The following LRRC8D variants were observed in gnomAD, a reference collection of about 807,000 sequenced individuals.
The protein encoded by LRRC8D is leucine rich repeat containing 8 VRAC subunit D.
Under a neutral mutation model 55.8 loss-of-function variants are expected in LRRC8D, and 20 were observed. The ratio of observed to expected loss-of-function variants is 0.36; its 90% confidence interval spans 0.25 to 0.52. LRRC8D has a LOEUF of 0.52. LRRC8D is among the 20% of genes least tolerant of loss of function. The pLI is 0.93. For missense variants in LRRC8D, 651 were observed against 1,030.8 expected (o/e 0.63, Z 5.05); for synonymous variants, 352 against 377.0 (o/e 0.93, Z 0.77).
At chr1:89,857,417 G>A (rs1242913514) in intron 2 of LRRC8D, among the ~76,000 whole-genome samples, 1 of 149,162 alleles carries the variant, frequency 6.7e-6, no homozygotes, top group Non-Finnish European at 1.5e-5. Flanking sequence ...AATTATCTCT[G>A]AGTGGAGATT....
intron 2 of LRRC8D, among the ~76,000 whole-genome samples, chr1:89,889,769 G>T (rs1662515386): frequency 6.6e-6 from 1 of 152,080 alleles, no homozygotes; most frequent in South Asian, 2.1e-4. Context: ...TGTGGTCCCA[G>T]CTACTTGGGA....
chr1:89,912,479 C>T (rs959834848), intron 2 of LRRC8D, among the ~76,000 whole-genome samples: 5 of 148,570 alleles, frequency 3.4e-5, no homozygotes, highest in African/African-American at 1.2e-4. Context: ...AGATTAGACC[C>T]ATCTCTGTCC....
intron 2 of LRRC8D, among the ~76,000 whole-genome samples, chr1:89,849,894 C>G (rs184296697): frequency 6.6e-6 from 1 of 152,212 alleles, no homozygotes; most frequent in Admixed American, 6.5e-5. Context: ...TTTTAATGTA[C>G]TTGTCTCATC....
At chr1:89,867,885 A>G (rs1455668922) in intron 2 of LRRC8D, among the ~76,000 whole-genome samples, 1 of 152,238 alleles carries the variant, frequency 6.6e-6, no homozygotes, top group Non-Finnish European at 1.5e-5. Context: ...AGAATTCTTC[A>G]AGGATACTAA....
chr1:89,890,937 A>C (rs1286104603), intron 2 of LRRC8D, among the ~76,000 whole-genome samples: 2 of 151,894 alleles, frequency 1.3e-5, no homozygotes, highest in East Asian at 3.9e-4. Context: ...TCTGGAGTGC[A>C]GTGGGGCGAT....
Position 89,936,500 on chromosome 1 carries a change from A to G in LRRC8D, c.*855A>G, listed in dbSNP as rs1315353375. ...ACCATTTGGAAGATAACACAGAATCACAAGTATCATTTAATTTCTTGCCCT... is the reference window on the plus strand; with the variant it reads ...ACCATTTGGAAGATAACACAGAATCGCAAGTATCATTTAATTTCTTGCCCT... On this transcript the variant is annotated 3_prime_UTR_variant, in exon 3 of 3. Transcript: ENST00000337338. The G allele has an allele frequency of 6.5e-6, 1 of 152,722 alleles. No individual in the cohort carries two copies. The highest frequency in any genetic ancestry group is 1.5e-5 in the Non-Finnish European group (1 of 68,044). The allele number at this position is 152,722 out of a possible 1,614,324, so 9.5% of individuals were successfully genotyped here.
chr1:89,840,538 T>A (rs1240810732), intron 1 of LRRC8D, among the ~76,000 whole-genome samples: 2 of 152,214 alleles, frequency 1.3e-5, no homozygotes, highest in Non-Finnish European at 2.9e-5. Flanking sequence ...GGGGAGAGTA[T>A]TAGACATTTG....
intron 2 of LRRC8D, among the ~76,000 whole-genome samples, chr1:89,879,430 GA>G (rs1418848482): frequency 6.6e-6 from 1 of 152,218 alleles, no homozygotes; most frequent in Non-Finnish European, 1.5e-5. Context: ...GTTTGCTACT[GA>G]AAGACCTTGG....
At chr1:89,869,023 C>T (rs1484472643) in intron 2 of LRRC8D, among the ~76,000 whole-genome samples, 1 of 152,162 alleles carries the variant, frequency 6.6e-6, no homozygotes, top group Non-Finnish European at 1.5e-5. Context: ...TCTGCTGCAT[C>T]AGCCTCCCAA....
chr1:89,928,813 A>G (rs994019747), intron 2 of LRRC8D, among the ~76,000 whole-genome samples: 1 of 152,094 alleles, frequency 6.6e-6, no homozygotes, highest in Non-Finnish European at 1.5e-5. Flanking sequence ...GCAAAATAAC[A>G]CTGGTTGCAA....
In LRRC8D at chr1:89,880,672, C is replaced by CTAGA. The variant is rs575535423; in HGVS notation, c.-3+36893_-3+36896dup. Reference sequence around the variant, plus strand: ...AAAGCAGCAACTCTTGCCCAACCAGCTAGATACCCTTATATATATTTCCTT... The same window carrying CTAGA: ...AAAGCAGCAACTCTTGCCCAACCAGCTAGATAGATACCCTTATATATATTTCCTT... On this transcript the variant is annotated intron_variant, in intron 2 of 2. Coordinates refer to ENST00000337338, the MANE Select transcript of LRRC8D (RefSeq NM_001134479.2). 3.4e-3 allele frequency among the ~76,000 whole-genome samples: 510 copies of CTAGA among 152,216 alleles called. 2 individuals carry two copies. Among genetic ancestry groups the CTAGA allele is most frequent in the Non-Finnish European group, 6.1e-3 (415 of 67,998 alleles).
At chr1:89,843,960 G>A (rs114770365) in intron 2 of LRRC8D, among the ~76,000 whole-genome samples, 178 bp downstream of exon 2, 1 of 91,640 alleles carries the variant, frequency 1.1e-5, no homozygotes, top group African/African-American at 2.9e-5. Context: ...CTGGGTTCGG[G>A]CCGGCGGAAG....
intron 2 of LRRC8D, among the ~76,000 whole-genome samples, chr1:89,883,005 C>T (rs1043289780): frequency 6.6e-6 from 1 of 152,108 alleles, no homozygotes; most frequent in East Asian, 1.9e-4. Context: ...GGAGTTTAGA[C>T]TTTATTTAGC....
At chr1:89,823,288 G>C (rs1660683622) in intron 1 of LRRC8D, among the ~76,000 whole-genome samples, 1 of 151,946 alleles carries the variant, frequency 6.6e-6, no homozygotes, top group Admixed American at 6.6e-5. Context: ...GTGTTTTCCA[G>C]CATTTAAAAA....
rs577002840 is a variant in LRRC8D, at chr1:89,931,240, G to C, written c.-2-1827G>C. 2.9e-5 allele frequency among the ~76,000 whole-genome samples: 4 copies of C among 136,746 alleles called. No homozygotes were observed. The East Asian group carries it at 9.4e-4, about 32-fold the overall frequency. The allele number at this position is 136,746 out of a possible 152,430, so 89.7% of individuals were successfully genotyped here. A position where few individuals can be genotyped will look rare whatever the true frequency, so the allele number is the denominator to read the frequency against. ...ATGAACCTACTCTGTGCAGTACTAG[G>C]TATGTGGAAGGGTTTCGGAAAAAAA... On this transcript the variant is annotated intron_variant, in intron 2 of 2. Coordinates refer to ENST00000337338, the MANE Select transcript of LRRC8D (RefSeq NM_001134479.2).
intron 2 of LRRC8D, among the ~76,000 whole-genome samples, chr1:89,887,324 A>G (rs1662445585): frequency 6.6e-6 from 1 of 152,182 alleles, no homozygotes; most frequent in Admixed American, 6.5e-5. Context: ...AGCATTCACT[A>G]AATGCTTGTT....
At chr1:89,866,261 C>T (rs1245746900) in intron 2 of LRRC8D, among the ~76,000 whole-genome samples, 2 of 152,158 alleles carry the variant, frequency 1.3e-5, no homozygotes, top group African/African-American at 2.4e-5. Context: ...TTATCATTGC[C>T]GTGTGTGCTT....
At position 89,934,016 on chromosome 1, in the gene LRRC8D, A is replaced by T; in HGVS notation, c.948A>T (p.Thr316=). Residue 316 remains threonine (T), a synonymous_variant, in exon 3 of 3, where the codon ACA becomes ACT. Transcript: ENST00000337338. The surrounding 1 kb of genome is among the most constrained non-coding windows in gnomAD (Gnocchi z 5.9). ...KLYVVQTVIK[T]AKFIFILCYT... ...ATGTGGTCCAAACAGTTATCAAAAC[A>T]GCCAAGTTCATTTTTATTCTCTGCT... The T allele has an allele frequency of 6.2e-7, 1 of 1,614,224 alleles. No homozygotes were observed. The highest frequency in any genetic ancestry group is 1.1e-5 in the South Asian group (1 of 91,086).
At chr1:89,929,966 C>A (rs1663662144) in intron 2 of LRRC8D, 2 of 152,162 alleles carry the variant, frequency 1.3e-5, no homozygotes, top group Admixed American at 1.3e-4. Context: ...TAGCATGAAT[C>A]CTATCATGAA....
Sources: allele counts gnomAD v4.1 joint callset (sites outside exome capture counted in the v4.1 genomes callset), GRCh38; gene constraint gnomAD v4.1.1; non-coding constraint Gnocchi (gnomAD v3.1); transcripts MANE v1.5; gene names NCBI Gene and HGNC (gene_info 2026-07-23, HGNC 2026-07-21).